Variants in TNRC6C observed in about 807,000 individuals in gnomAD.
The protein encoded by TNRC6C is trinucleotide repeat containing adaptor 6C.
TNRC6C carries 20 observed loss-of-function variants against 153.7 expected under a neutral mutation model. The observed-to-expected ratio is 0.13, with a 90% CI of 0.09 to 0.19. The LOEUF (loss-of-function observed/expected upper bound fraction) is 0.19, where lower values mean the gene tolerates loss of function less well. TNRC6C is among the 10% of genes least tolerant of loss of function. The probability of loss-of-function intolerance (pLI) is 1.00; values close to 1 mark genes in which losing one functional copy is unlikely to be tolerated. For missense variants in TNRC6C, 1,987 were observed against 2,172.0 expected, an observed-to-expected ratio of 0.91 and a Z score of 1.69; for synonymous variants, 811 against 841.4, an observed-to-expected ratio of 0.96 and a Z score of 0.63.
At chr17:78,068,880 G>A (rs2072934875) in intron 5 of TNRC6C, among the ~76,000 whole-genome samples, 1 of 152,082 alleles carries the variant, frequency 6.6e-6, no homozygotes, top group African/African-American at 2.4e-5. Flanking sequence ...CATGAGACGT[G>A]TATCTCATTT....
intron 2 of TNRC6C, among the ~76,000 whole-genome samples, chr17:78,045,343 T>TC (rs2072386525): frequency 6.6e-6 from 1 of 152,132 alleles, no homozygotes; most frequent in Admixed American, 6.5e-5. Context: ...TATATGGCCA[T>TC]CCTTAGGGCA....
In TNRC6C at chr17:78,079,265, G is replaced by T; in HGVS notation, c.3211-130G>T. 3 of 1,365,168 alleles carry T rather than the reference G, an allele frequency of 2.2e-6. No homozygotes were observed. Among genetic ancestry groups the T allele is most frequent in the Non-Finnish European group, 3.0e-6 (3 of 1,004,378 alleles). 84.6% of individuals were successfully genotyped at this position (1,365,168 alleles called of 1,614,324 possible). A position where few individuals can be genotyped will look rare whatever the true frequency, so the allele number is the denominator to read the frequency against. ...CTCTGTCTCAAAAAAATTCTCTTGG[G>T]TACAAGTTGACAGTGGTAGGAAGTA... On this transcript the variant is annotated intron_variant, in intron 9 of 19. Coordinates refer to ENST00000301624, the Ensembl canonical transcript of TNRC6C. This position sits in a 1 kb window ranked among gnomAD's most constrained non-coding sequence, Gnocchi z 4.3.
chr17:78,086,475 C>CTATTT (rs1300264907), intron 11 of TNRC6C, 28 bp from the exon 14 acceptor site: 1 of 1,585,848 alleles, frequency 6.3e-7, no homozygotes, highest in Non-Finnish European at 8.6e-7. Flanking sequence ...AATTATCATA[C>CTATTT]TATTTTAACT....
chr17:77,958,401 G>A (rs991385378), upstream of TNRC6C, among the ~76,000 whole-genome samples: 3 of 151,956 alleles, frequency 2.0e-5, no homozygotes, highest in Non-Finnish European at 4.4e-5. Flanking sequence ...CCGGCCACTC[G>A]GAGCGCGCAC....
chr17:78,042,260 C>CT (rs1460205169), intron 2 of TNRC6C, among the ~76,000 whole-genome samples: 1 of 151,932 alleles, frequency 6.6e-6, no homozygotes, highest in African/African-American at 2.4e-5. Flanking sequence ...CTTTTTAAGG[C>CT]TTTTTTTAGG....
exon 3 of TNRC6C, chr17:78,050,922 T>C (rs1472388414): frequency 6.2e-7 from 1 of 1,613,886 alleles, no homozygotes; most frequent in South Asian, 1.1e-5. Context: ...CTGGATGGGA[T>C]GCTGACAGTA....
chr17:78,065,334 G>A (rs1184751367), intron 4 of TNRC6C, among the ~76,000 whole-genome samples: 1 of 151,210 alleles, frequency 6.6e-6, no homozygotes, highest in Non-Finnish European at 1.5e-5. Flanking sequence ...GAGCAATAGA[G>A]CAAGACCCCA....
upstream of TNRC6C, among the ~76,000 whole-genome samples, chr17:78,003,617 A>G (rs1567909303): frequency 6.6e-6 from 1 of 152,236 alleles, no homozygotes; most frequent in African/African-American, 2.4e-5. Context: ...GAGATTCAAT[A>G]TGTTGTTATT....
rs140497179 is a variant in TNRC6C at position 78,079,841 on chromosome 17, C to T, written c.3357+300C>T. Among the ~76,000 whole-genome samples, 758 of 152,256 alleles carry T rather than the reference C, an allele frequency of 5.0e-3. 2 individuals carry two copies. The highest frequency in any genetic ancestry group is 0.017 in the Middle Eastern group (5 of 294). ...GAGGGGGAAGGACCTGCCCAACACA[C>T]TCCCATTGATGTGCTTTTGTCCCAG... On this transcript the variant is annotated intron_variant, in intron 10 of 19. Coordinates refer to ENST00000301624, the Ensembl canonical transcript of TNRC6C. This position sits in a 1 kb window ranked among gnomAD's most constrained non-coding sequence, Gnocchi z 4.3.
At chr17:77,959,096 A>AGCCGCC (rs1005525455), upstream of TNRC6C, 35 of 142,282 alleles carry the variant, frequency 2.5e-4, no homozygotes, top group Admixed American at 9.8e-4. Flanking sequence ...CCGCCGCCGC[A>AGCCGCC]GCCGCCGCCG....
At chr17:78,051,067 A>G in exon 3 of TNRC6C, 3 of 1,608,028 alleles carry the variant, frequency 1.9e-6, no homozygotes, top group Non-Finnish European at 1.7e-6. Context: ...GAACTGGGCT[A>G]GCAAACCCCA....
chr17:77,971,270 T>G (rs892883844), intron 1 of TNRC6C, among the ~76,000 whole-genome samples: 3 of 152,214 alleles, frequency 2.0e-5, no homozygotes, highest in African/African-American at 7.2e-5. Context: ...AGTGCTTGAA[T>G]TGGTTTCTGT....
At chr17:78,101,507 C>A (rs1322891204) in intron 17 of TNRC6C, among the ~76,000 whole-genome samples, 1 of 152,128 alleles carries the variant, frequency 6.6e-6, no homozygotes, top group African/African-American at 2.4e-5. Flanking sequence ...TCAGGGAGAC[C>A]CTAACCCAGA....
At chr17:78,012,693 G>A (rs1013172497) in intron 1 of TNRC6C, among the ~76,000 whole-genome samples, 4 of 152,162 alleles carry the variant, frequency 2.6e-5, no homozygotes, top group African/African-American at 4.8e-5. Flanking sequence ...AGTGCTTCCA[G>A]GTATGAGAAG....
At chr17:77,959,729 C>G (rs1324214542) in intron 1 of TNRC6C, among the ~76,000 whole-genome samples, 2 of 152,066 alleles carry the variant, frequency 1.3e-5, no homozygotes, top group African/African-American at 2.4e-5. Flanking sequence ...CCTGGGCGCT[C>G]TGCGGCTCTG....
Position 78,050,668 on chromosome 17 carries a change from G to T in TNRC6C, c.1606G>T (p.Val536Phe), listed in dbSNP as rs759807792. The change falls in exon 3 of 20, where the codon GTT becomes TTT. Residue 536 changes from valine (V) to phenylalanine (F), a missense_variant. Transcript: ENST00000301624. Reference sequence around the variant, plus strand: ...CAACAAAGCGCCAAGTGGCCCGGGGGTTTGGGGGGACTCGATAAGCTCTAC... The same window carrying T: ...CAACAAAGCGCCAAGTGGCCCGGGGTTTTGGGGGGACTCGATAAGCTCTAC... 2.6e-6 allele frequency: 4 copies of T among 1,560,994 alleles called. No individual in the cohort carries two copies. The South Asian group carries it at 4.9e-5, about 19-fold the overall frequency.
In TNRC6C at chr17:77,990,862, T is replaced by G. The variant is rs1321470321; in HGVS notation, c.-37-13308T>G. 7.9e-5 allele frequency among the ~76,000 whole-genome samples: 12 copies of G among 152,194 alleles called. No homozygotes were observed. In the East Asian group the frequency reaches 2.1e-3, roughly 27 times the overall value. On this transcript the variant is annotated intron_variant, in intron 1 of 22. Transcript: ENST00000636222. ...TTTCATAGGGTCAATCAGTTTGATT[T>G]GTTACTTCAGGGGCACGCTGTATTT...
At chr17:78,057,361 C>T (rs1466221884) in intron 3 of TNRC6C, among the ~76,000 whole-genome samples, 1 of 152,234 alleles carries the variant, frequency 6.6e-6, no homozygotes, top group Non-Finnish European at 1.5e-5. Flanking sequence ...CATAGCCTTT[C>T]ACTCTCCAAA....
rs535159876 is a variant in TNRC6C, at chr17:78,033,468, G to A, written c.-219+1626G>A. On this transcript the variant is annotated intron_variant, in intron 2 of 19. Transcript: ENST00000301624. ...GCGGATCACCTGAGGTCGAGAGTTCGAGACCAGCCTGACCAACATGGAGAA... is the reference window on the plus strand; with the variant it reads ...GCGGATCACCTGAGGTCGAGAGTTCAAGACCAGCCTGACCAACATGGAGAA... Among the ~76,000 whole-genome samples the A allele has an allele frequency of 3.9e-5, 6 of 152,278 alleles. No individual in the cohort carries two copies. In the East Asian group the frequency reaches 5.8e-4, roughly 15 times the overall value.
Sources: gnomAD v4.1 joint callset for allele counts (sites outside exome capture counted in the v4.1 genomes callset) on GRCh38, gnomAD v4.1.1 for gene constraint, Gnocchi (gnomAD v3.1) non-coding constraint, MANE v1.5 for transcripts, NCBI Gene and HGNC (gene_info 2026-07-23, HGNC 2026-07-21) for gene names.